The following COPS4 variants were observed in gnomAD, a reference collection of about 807,000 sequenced individuals.
COPS4 encodes COP9 signalosome subunit 4.
Under a neutral mutation model 55.1 loss-of-function variants are expected in COPS4, and 8 were observed. The ratio of observed to expected loss-of-function variants is 0.15; its 90% CI spans 0.09 to 0.26. COPS4 has a LOEUF of 0.26. Among genes scored for constraint, COPS4 ranks in the 10% least tolerant of loss-of-function variants. The probability of loss-of-function intolerance (pLI) is 1.00; values close to 1 mark genes in which losing one functional copy is unlikely to be tolerated. For missense variants in COPS4, 248 were observed against 484.0 expected (o/e 0.51, Z 4.58); for synonymous variants, 185 against 165.7 (o/e 1.12, Z -0.90).
At chr4:83,066,584 AAAGTT>A (rs765568905) in intron 8 of COPS4, 31 bp downstream of exon 8, 2 of 1,077,862 alleles carry the variant, frequency 1.9e-6, no homozygotes, top group East Asian at 2.5e-5. Context: ...CATTTAAAAA[AAAGTT>A]AAGAGATGAA....
chr4:83,070,719 C>T (rs1353629597), intron 9 of COPS4, among the ~76,000 whole-genome samples: 2 of 152,122 alleles, frequency 1.3e-5, no homozygotes, highest in African/African-American at 4.8e-5. Flanking sequence ...TACAATTGCT[C>T]CTTTCTAGTT....
chr4:83,042,712 C>A (rs780218626), intron 1 of COPS4, among the ~76,000 whole-genome samples: 4 of 152,010 alleles, frequency 2.6e-5, no homozygotes, highest in Non-Finnish European at 4.4e-5. Context: ...AGGCAATCCT[C>A]CCCCCTCAGC....
chr4:83,037,139 T>C (rs1006081725), intron 1 of COPS4, among the ~76,000 whole-genome samples: 3 of 152,216 alleles, frequency 2.0e-5, no homozygotes, highest in African/African-American at 7.2e-5. Flanking sequence ...ATCTTGCTCT[T>C]GCCTGGATCT....
At chr4:83,064,410 A>G (rs978201343) in intron 7 of COPS4, among the ~76,000 whole-genome samples, 6 of 152,158 alleles carry the variant, frequency 3.9e-5, no homozygotes, top group African/African-American at 1.2e-4. Context: ...GTTCTGTGGC[A>G]TTACTTTCAC....
chr4:83,051,661 A>G (rs1279691085), intron 4 of COPS4, among the ~76,000 whole-genome samples: 1 of 152,224 alleles, frequency 6.6e-6, no homozygotes, highest in African/African-American at 2.4e-5. Flanking sequence ...ATATCCAAGT[A>G]GAAATATGTA....
intron 9 of COPS4, among the ~76,000 whole-genome samples, chr4:83,068,960 ACT>A (rs1220186802): frequency 1.0e-5 from 1 of 99,206 alleles, no homozygotes; most frequent in Non-Finnish European, 2.0e-5. Flanking sequence ...ACAAAGCGAG[ACT>A]CTGTCTCAAA....
intron 9 of COPS4, among the ~76,000 whole-genome samples, chr4:83,070,376 A>T (rs13129469): frequency 1.3e-5 from 2 of 152,046 alleles, no homozygotes; most frequent in Non-Finnish European, 2.9e-5. Flanking sequence ...CTAGTTTACT[A>T]CTAAGGTGTT....
chr4:83,062,672 G>C (rs1049264708), intron 6 of COPS4, among the ~76,000 whole-genome samples: 1 of 152,180 alleles, frequency 6.6e-6, no homozygotes, highest in Non-Finnish European at 1.5e-5. Context: ...TGTCTGGGGG[G>C]TGTTCTTAAG....
At chr4:83,042,318 CAATT>C (rs774268669) in intron 1 of COPS4, among the ~76,000 whole-genome samples, 6 of 152,126 alleles carry the variant, frequency 3.9e-5, no homozygotes, top group Admixed American at 6.5e-5. Flanking sequence ...CCTAAGGACT[CAATT>C]AACACCTTGG....
chr4:83,043,712 TAAC>T (rs1460589588), intron 1 of COPS4, among the ~76,000 whole-genome samples: 1 of 151,866 alleles, frequency 6.6e-6, no homozygotes. Context: ...AAATAAAAAA[TAAC>T]AAACCATTGA....
intron 9 of COPS4, chr4:83,073,279 A>G (rs768473072): frequency 2.1e-5 from 15 of 699,894 alleles, no homozygotes; most frequent in Non-Finnish European, 2.6e-6. Context: ...ATGGAATCAT[A>G]CAATATGTGA....
chr4:83,062,783 A>G (rs576021669), intron 6 of COPS4, among the ~76,000 whole-genome samples: 2 of 152,348 alleles, frequency 1.3e-5, no homozygotes, highest in South Asian at 4.1e-4. Context: ...TATGTATTAA[A>G]TAGGATGTCT....
intron 6 of COPS4, 117 bp from the exon 7 acceptor site, chr4:83,062,959 T>G (rs1731199038): frequency 1.2e-6 from 1 of 817,194 alleles, no homozygotes; most frequent in Non-Finnish European, 1.9e-6. Flanking sequence ...CCATGAATAA[T>G]GAATACTGGC....
In COPS4 at chr4:83,075,358, C is replaced by A. The variant is rs1449987271; in HGVS notation, c.1149C>A (p.Asn383Lys). ...QIQSLCFQVNNLLEKISQTAP... is the reference protein window; with the variant it reads ...QIQSLCFQVNKLLEKISQTAP... ...AATCACTTTGTTTCCAAGTGAATAA[C>A]CTTTTGGAGAAAATTAGTCAAACAG... Residue 383 changes from asparagine to lysine, a missense_variant, in exon 10 of 10, where the codon AAC (asparagine) becomes AAA (lysine). Around this residue, in one of 4 missense-constraint regions of COPS4, gnomAD observed 38 missense variants for 77.9 expected, o/e 0.49. Transcript: ENST00000264389. 3.7e-6 allele frequency: 6 copies of A among 1,614,102 alleles called. No individual in the cohort carries two copies. In the African/African-American group the frequency reaches 5.3e-5, roughly 14 times the overall value.
intron 9 of COPS4, chr4:83,073,382 C>T (rs1320260139): frequency 8.6e-6 from 5 of 584,768 alleles, no homozygotes; most frequent in African/African-American, 5.5e-5. Flanking sequence ...ATTTTTATAG[C>T]CGAATAGCAT....
rs752715718 is a variant in COPS4, at chr4:83,063,176, C to T, written c.816C>T (p.Ile272=). Reference sequence around the variant, plus strand: ...TAGAGAAAATGTATCTAGATAGGATCATCAGAGGAAATCAACTTCAAGAAT... The same window carrying T: ...TAGAGAAAATGTATCTAGATAGGATTATCAGAGGAAATCAACTTCAAGAAT... The part of the protein sequence containing the change: ...GILEKMYLDR[I]IRGNQLQEFA... Residue 272 remains isoleucine, a synonymous_variant, in exon 7 of 10, where the codon ATC becomes ATT. Coordinates refer to ENST00000264389, the MANE Select transcript of COPS4 (RefSeq NM_016129.3). The T allele has an allele frequency of 1.2e-6, 2 of 1,612,276 alleles. No homozygotes were observed. The highest frequency in any genetic ancestry group is 1.7e-6 in the Non-Finnish European group (2 of 1,179,458).
intron 7 of COPS4, among the ~76,000 whole-genome samples, chr4:83,063,557 G>A (rs1206613754): frequency 4.0e-5 from 6 of 151,230 alleles, no homozygotes; most frequent in East Asian, 3.9e-4. Context: ...ACAGGCGCCC[G>A]CCACCACGCC....
intron 8 of COPS4, among the ~76,000 whole-genome samples, chr4:83,067,005 G>A (rs187812109): frequency 3.0e-4 from 46 of 152,076 alleles, no homozygotes; most frequent in Middle Eastern, 3.4e-3. Context: ...CTTAAAAGTC[G>A]TGCAGTTATG....
In COPS4 at chr4:83,045,623, T is replaced by C. The variant is rs1315932213; in HGVS notation, c.75-3T>C. ...ACATTATTTTCATTTGGTATTGTTG[T>C]AGGTATCGTCAGATCCTGGAAAAAG... is the stretch of plus-strand genomic sequence containing the variant. On this transcript the variant is annotated splice_polypyrimidine_tract_variant and splice_region_variant and intron_variant, in intron 1 of 9. Transcript: ENST00000264389. 1 of 1,607,346 alleles carries C rather than the reference T, an allele frequency of 6.2e-7. No homozygotes were observed. Among genetic ancestry groups the C allele is most frequent in the Admixed American group, 1.7e-5 (1 of 59,992 alleles).
Sources: allele counts gnomAD v4.1 joint callset (sites outside exome capture counted in the v4.1 genomes callset), GRCh38; gene constraint gnomAD v4.1.1; regional missense constraint gnomAD v4.1.1; transcripts MANE v1.5; gene names NCBI Gene and HGNC (gene_info 2026-07-23, HGNC 2026-07-21).